Variants in OLFM1 observed in about 807,000 individuals in gnomAD.
The protein encoded by OLFM1 is noelin.
OLFM1 carries 9 observed loss-of-function variants against 49.7 expected under a neutral mutation model. The ratio of observed to expected loss-of-function variants is 0.18; its 90% CI spans 0.11 to 0.32. The LOEUF (loss-of-function observed/expected upper bound fraction) is 0.32, where lower values mean the gene tolerates loss of function less well. Among genes scored for constraint, OLFM1 ranks in the 10% least tolerant of loss-of-function variants. The pLI, the probability that OLFM1 is intolerant of heterozygous loss-of-function variation, is 1.00. For synonymous variants in OLFM1, 240 were observed against 271.8 expected, an observed-to-expected ratio of 0.88 and a Z score of 1.15; for missense variants, 369 against 661.8, an observed-to-expected ratio of 0.56 and a Z score of 4.85.
intron 4 of OLFM1, chr9:135,105,919 G>A (rs1037886429): frequency 1.3e-5 from 2 of 152,298 alleles, no homozygotes; most frequent in East Asian, 1.9e-4. Flanking sequence ...CAGACACACC[G>A]GCCTCCGGGC....
At chr9:135,075,912 G>A in intron 1 of OLFM1, 4 of 1,406,488 alleles carry the variant, frequency 2.8e-6, no homozygotes, top group Non-Finnish European at 3.7e-6. Flanking sequence ...CGCGCCCCCG[G>A]CCTGGGCGCC....
intron 1 of OLFM1, among the ~76,000 whole-genome samples, chr9:135,082,144 T>C (rs781245297): frequency 1.2e-4 from 18 of 152,242 alleles, no homozygotes; most frequent in Admixed American, 2.6e-4. Flanking sequence ...ATATTCCTTA[T>C]GCATGGTTCA....
chr9:135,106,954 G>C (rs1830953404), intron 5 of OLFM1, 99 bp downstream of exon 5: 1 of 967,948 alleles, frequency 1.0e-6, no homozygotes, highest in African/African-American at 1.6e-5. Flanking sequence ...CCACCCTCCA[G>C]GGCCTATGGA....
At chr9:135,102,512 T>C (rs1830884603) in intron 4 of OLFM1, among the ~76,000 whole-genome samples, 1 of 152,100 alleles carries the variant, frequency 6.6e-6, no homozygotes. Flanking sequence ...TCCCAGGAAG[T>C]TCTCCAGATG....
chr9:135,081,064 A>T (rs934376128), intron 1 of OLFM1, among the ~76,000 whole-genome samples: 1 of 152,184 alleles, frequency 6.6e-6, no homozygotes, highest in Admixed American at 6.5e-5. Flanking sequence ...GCCAGTGGCG[A>T]GGACTGATAC....
upstream of OLFM1, among the ~76,000 whole-genome samples, chr9:135,083,411 G>A (rs751155647): frequency 1.5e-4 from 23 of 152,306 alleles, 1 homozygote; most frequent in South Asian, 3.5e-3. Context: ...GATGGGGGCC[G>A]TGGACAAGTC....
rs575082837 is a variant in OLFM1, at chr9:135,088,832, C to A, written c.150+693C>A. Among the ~76,000 whole-genome samples the A allele has an allele frequency of 1.1e-4, 16 of 152,346 alleles. No homozygotes were observed. Among genetic ancestry groups the A allele is most frequent in the African/African-American group, 3.6e-4 (15 of 41,594 alleles). ...CCTTTGCCTTCGTCTTCTGCGCGCA[C>A]CCCTCCCTCCTGGCCTCTGAAATTG... is the stretch of plus-strand genomic sequence containing the variant. On this transcript the variant is annotated intron_variant, in intron 1 of 5. Coordinates refer to ENST00000371793, the MANE Select transcript of OLFM1 (RefSeq NM_001282611.2). This position sits in a 1 kb window ranked among gnomAD's most constrained non-coding sequence, Gnocchi z 4.8.
chr9:135,090,773 A>G (rs660704), intron 2 of OLFM1, among the ~76,000 whole-genome samples: 60,445 of 151,464 alleles, frequency 0.4, 12,006 homozygotes, highest in East Asian at 0.54. Context: ...GAGAGCGCCC[A>G]TAGGCCCAGG....
intron 3 of OLFM1, among the ~76,000 whole-genome samples, chr9:135,097,587 G>A (rs1357776267): frequency 2.0e-5 from 3 of 152,034 alleles, no homozygotes; most frequent in Admixed American, 6.6e-5. Context: ...GTGCTAAACC[G>A]CATTAAAAAA....
In OLFM1 at chr9:135,097,996, TCAATG is replaced by T. The variant is rs1194410540; in HGVS notation, c.457-287_457-283del. ...ATTTCATGAATAGTTTGAACCCTTG[TCAATG>T]CATTTTTTGAAAAAGAAAGAAAAAA... On this transcript the variant is annotated intron_variant, in intron 3 of 5. Transcript: ENST00000371793. 2.1e-6 allele frequency: 3 copies of T among 1,419,692 alleles called. No individual in the cohort carries two copies. The Admixed American group carries it at 9.5e-5, about 45-fold the overall frequency. The allele number at this position is 1,419,692 out of a possible 1,614,324, so 87.9% of individuals were successfully genotyped here. A position where few individuals can be genotyped will look rare whatever the true frequency, so the allele number is the denominator to read the frequency against.
At chr9:135,115,482 G>A (rs1283812691) in intron 5 of OLFM1, among the ~76,000 whole-genome samples, 2 of 152,248 alleles carry the variant, frequency 1.3e-5, no homozygotes, top group Admixed American at 6.5e-5. Flanking sequence ...TACCTGGCAG[G>A]TTCATGGCAT....
chr9:135,076,048 T>C (rs1450552097), intron 1 of OLFM1: 2 of 1,448,858 alleles, frequency 1.4e-6, no homozygotes, highest in African/African-American at 1.4e-5. Flanking sequence ...GCTGCCCCCT[T>C]TTTCCTAGGA....
chr9:135,106,901 T>C, intron 5 of OLFM1, 46 bp downstream of exon 5: 1 of 1,452,772 alleles, frequency 6.9e-7, no homozygotes, highest in Non-Finnish European at 9.4e-7. Context: ...GCAAGGGCGC[T>C]CTCGGACACC....
rs1006194729 is a variant in OLFM1, at chr9:135,097,741, G to A, written c.457-545G>A. On this transcript the variant is annotated intron_variant, in intron 3 of 5. Coordinates refer to ENST00000371793, the MANE Select transcript of OLFM1 (RefSeq NM_001282611.2). ...GGCTGTCTGTTTCAGGCAGGCTAGT[G>A]AGCTAGTTCTTCAACGGTATTTCAT... The A allele has an allele frequency of 4.6e-6, 7 of 1,527,402 alleles. No homozygotes were observed. In the African/African-American group the frequency reaches 8.2e-5, roughly 18 times the overall value. 94.6% of individuals were successfully genotyped at this position (1,527,402 alleles called of 1,614,324 possible). A position where few individuals can be genotyped will look rare whatever the true frequency, so the allele number is the denominator to read the frequency against.
chr9:135,099,028 AC>A (rs1367680466), intron 4 of OLFM1, among the ~76,000 whole-genome samples: 1 of 152,112 alleles, frequency 6.6e-6, no homozygotes, highest in East Asian at 1.9e-4. Context: ...GAGCAAATGA[AC>A]CCCTTCCTCG....
upstream of OLFM1, chr9:135,087,474 C>A: frequency 1.3e-6 from 2 of 1,520,136 alleles, no homozygotes; most frequent in Admixed American, 2.1e-5. Context: ...GTGGTGTGTC[C>A]GTCTCCTCAT....
Position 135,106,795 on chromosome 9 carries a change from C to A in OLFM1, c.723C>A (p.Thr241=), listed in dbSNP as rs766298239. Residue 241 remains threonine (T), a synonymous_variant, in exon 5 of 6, where the codon ACC becomes ACA. Transcript: ENST00000371793. The part of the protein sequence containing the change: ...TGISDPVTVK[T]SGSRFGSWMT... ...TCAGTGACCCCGTGACTGTCAAGACCTCCGGCTCGAGGTTCGGATCCTGGA... is the reference window on the plus strand; with the variant it reads ...TCAGTGACCCCGTGACTGTCAAGACATCCGGCTCGAGGTTCGGATCCTGGA... 6.2e-7 allele frequency: 1 copy of A among 1,613,564 alleles called. No homozygotes were observed. Among genetic ancestry groups the A allele is most frequent in the African/African-American group, 1.3e-5 (1 of 74,954 alleles).
chr9:135,109,943 G>A (rs1395793159), intron 5 of OLFM1, among the ~76,000 whole-genome samples: 1 of 152,142 alleles, frequency 6.6e-6, no homozygotes, highest in Non-Finnish European at 1.5e-5. Context: ...GGTTAGCTTG[G>A]GACGCCTTTG....
intron 5 of OLFM1, among the ~76,000 whole-genome samples, chr9:135,111,392 G>A (rs58625802): frequency 0.37 from 56,801 of 152,064 alleles, 11,467 homozygotes; most frequent in African/African-American, 0.54. Flanking sequence ...CCGTCTGGCC[G>A]CAGGCTCTCA....
Sources: gnomAD v4.1 joint callset for allele counts (sites outside exome capture counted in the v4.1 genomes callset) on GRCh38, gnomAD v4.1.1 for gene constraint, Gnocchi (gnomAD v3.1) non-coding constraint, MANE v1.5 for transcripts, NCBI Gene and HGNC (gene_info 2026-07-23, HGNC 2026-07-21) for gene names.